SLC41A3: variants seen among roughly 807,000 people sequenced by gnomAD.
SLC41A3 encodes solute carrier family 41 member 3.
Under a neutral mutation model 45.4 loss-of-function variants are expected in SLC41A3, and 44 were observed. The ratio of observed to expected loss-of-function variants is 0.97; its 90% CI spans 0.76 to 1.25. The LOEUF (loss-of-function observed/expected upper bound fraction) is 1.25, where lower values mean the gene tolerates loss of function less well. SLC41A3 is among the 50% of genes most tolerant of loss of function. The pLI is 0.00. For synonymous variants in SLC41A3, 256 were observed against 252.4 expected (o/e 1.01, Z -0.13); for missense variants, 550 against 600.6 (o/e 0.92, Z 0.88).
intron 1 of SLC41A3, among the ~76,000 whole-genome samples, chr3:126,072,067 G>A (rs1227719687): frequency 6.6e-6 from 1 of 152,072 alleles, no homozygotes; most frequent in Non-Finnish European, 1.5e-5. Context: ...GAGCCACCAT[G>A]CCCCAGCCCA....
At chr3:126,035,827 C>T (rs1241087206) in intron 3 of SLC41A3, among the ~76,000 whole-genome samples, 1 of 151,846 alleles carries the variant, frequency 6.6e-6, no homozygotes, top group East Asian at 1.9e-4. Flanking sequence ...GAGTGTTTGT[C>T]GCCACCCACG....
chr3:126,044,966 G>T (rs1278012323), intron 3 of SLC41A3, among the ~76,000 whole-genome samples: 1 of 125,288 alleles, frequency 8.0e-6, no homozygotes, highest in Non-Finnish European at 1.7e-5. Flanking sequence ...AGTAAAACTA[G>T]AAATCAATAG....
chr3:126,090,594 A>T (rs1009615188), intron 1 of SLC41A3, among the ~76,000 whole-genome samples: 4 of 152,188 alleles, frequency 2.6e-5, no homozygotes, highest in African/African-American at 4.8e-5. Flanking sequence ...TCTGACACAC[A>T]AATTACTCTT....
intron 8 of SLC41A3, among the ~76,000 whole-genome samples, chr3:126,015,044 TAAG>T (rs1236812091): frequency 3.3e-5 from 5 of 152,190 alleles, no homozygotes; most frequent in African/African-American, 1.2e-4. Context: ...TCTTAATTTT[TAAG>T]AAGAAGAAAT....
chr3:126,020,685 A>G (rs1940768207), intron 6 of SLC41A3, among the ~76,000 whole-genome samples: 1 of 152,128 alleles, frequency 6.6e-6, no homozygotes, highest in South Asian at 2.1e-4. Context: ...TCCAGCATTA[A>G]TATCAATGCA....
chr3:126,036,463 A>C (rs1942198157), intron 3 of SLC41A3, among the ~76,000 whole-genome samples: 1 of 152,138 alleles, frequency 6.6e-6, no homozygotes, highest in Non-Finnish European at 1.5e-5. Flanking sequence ...CCAAACCCAC[A>C]GCTCTGGTGG....
At chr3:126,060,140 C>T (rs903640769) in intron 2 of SLC41A3, among the ~76,000 whole-genome samples, 10 of 152,118 alleles carry the variant, frequency 6.6e-5, no homozygotes, top group Non-Finnish European at 1.2e-4. Context: ...AGTGAGAGAC[C>T]GGGTGCGGTG....
At position 126,095,519 on chromosome 3, in the gene SLC41A3, A is replaced by G. The variant is rs143726765; in HGVS notation, c.-79+5910T>C. ...TCAACAAGGGCTGACACAGAGAACA[A>G]TTATACTTATTGGGCATATTTATCA... On this transcript the variant is annotated intron_variant, in intron 1 of 9. Transcript: ENST00000508835. 4.1e-3 allele frequency among the ~76,000 whole-genome samples: 622 copies of G among 152,368 alleles called. 4 individuals are homozygous for G. The highest frequency in any genetic ancestry group is 0.014 in the African/African-American group (601 of 41,578).
intron 2 of SLC41A3, chr3:126,056,563 T>C (rs1188755002): frequency 1.9e-6 from 3 of 1,611,794 alleles, no homozygotes; most frequent in South Asian, 1.1e-5. Context: ...GGCCAGGCAA[T>C]GCACCACGAT....
chr3:126,028,651 T>C (rs562116379), intron 4 of SLC41A3, among the ~76,000 whole-genome samples: 1 of 152,080 alleles, frequency 6.6e-6, no homozygotes, highest in South Asian at 2.1e-4. Context: ...GAGAAGAGGG[T>C]CCCCATCCTC....
rs57581225 is a variant in SLC41A3 at position 126,044,895 on chromosome 3, C to CAAAAAAAAAA, written c.381+6038_381+6047dup. ...TGGGCGACAGAGCGAGACTCCATCT[C>CAAAAAAAAAA]AAAAAAAAAAAAAAAAAAAAAAAAA... is the stretch of plus-strand genomic sequence containing the variant. On this transcript the variant is annotated intron_variant, in intron 3 of 10. Coordinates refer to ENST00000360370, the MANE Select transcript of SLC41A3 (RefSeq NM_017836.4). 4.8e-3 allele frequency among the ~76,000 whole-genome samples: 396 copies of CAAAAAAAAAA among 82,710 alleles called. 78 individuals are homozygous for CAAAAAAAAAA. The highest frequency in any genetic ancestry group is 0.016 in the Middle Eastern group (2 of 124). 54.3% of individuals were successfully genotyped at this position (82,710 alleles called of 152,430 possible). A position where few individuals can be genotyped will look rare whatever the true frequency, so the allele number is the denominator to read the frequency against.
At position 126,012,711 on chromosome 3, in the gene SLC41A3, T is replaced by C. The variant is rs1559805898; in HGVS notation, c.1009A>G (p.Ile337Val). Reference sequence around the variant, plus strand: ...CTCCACATGTGCAGGTAGGTTGAGATTCGGCTGGTCTGAATGGCCACCAGA... The same window carrying C: ...CTCCACATGTGCAGGTAGGTTGAGACTCGGCTGGTCTGAATGGCCACCAGA... The part of the protein sequence containing the change: ...GNLVAIQTSR[I>V]STYLHMWSAP... Residue 337 changes from isoleucine (I) to valine (V), a missense_variant, in exon 9 of 11, where the codon ATC (isoleucine) becomes GTC (valine). Coordinates refer to ENST00000360370, the MANE Select transcript of SLC41A3 (RefSeq NM_017836.4). The C allele has an allele frequency of 6.2e-7, 1 of 1,614,238 alleles. No homozygotes were observed. The highest frequency in any genetic ancestry group is 1.7e-4 in the Middle Eastern group (1 of 6,060).
intron 6 of SLC41A3, among the ~76,000 whole-genome samples, chr3:126,020,502 C>T (rs1940748299): frequency 6.6e-6 from 1 of 152,222 alleles, no homozygotes; most frequent in African/African-American, 2.4e-5. Context: ...AATTTTCCCG[C>T]CGTTTCCATT....
intron 2 of SLC41A3, among the ~76,000 whole-genome samples, chr3:126,054,379 T>C (rs887948857): frequency 6.6e-6 from 1 of 152,076 alleles, no homozygotes; most frequent in African/African-American, 2.4e-5. Flanking sequence ...GCTGCACAGT[T>C]GTGTGCTCTC....
chr3:126,033,969 C>T (rs1268119590), intron 3 of SLC41A3, among the ~76,000 whole-genome samples: 1 of 151,940 alleles, frequency 6.6e-6, no homozygotes, highest in Non-Finnish European at 1.5e-5. Context: ...CAGCGGTACA[C>T]ACACAGGCAC....
At chr3:126,054,709 C>T (rs1274941473) in intron 2 of SLC41A3, among the ~76,000 whole-genome samples, 1 of 151,974 alleles carries the variant, frequency 6.6e-6, no homozygotes, top group Non-Finnish European at 1.5e-5. Context: ...GATCCCCTGG[C>T]CCCTAGGAAG....
intron 6 of SLC41A3, among the ~76,000 whole-genome samples, chr3:126,018,062 A>AT (rs1294705011): frequency 2.0e-5 from 3 of 152,150 alleles, no homozygotes; most frequent in East Asian, 1.9e-4. Context: ...CCAATATGCA[A>AT]TGCCAATTCC....
At chr3:126,089,950 G>T (rs1221916508) in intron 1 of SLC41A3, among the ~76,000 whole-genome samples, 1 of 151,700 alleles carries the variant, frequency 6.6e-6, no homozygotes, top group Non-Finnish European at 1.5e-5. Flanking sequence ...GAGCTGCTTG[G>T]CTTGTGAATG....
At chr3:126,069,342 T>C (rs1387137192) in intron 1 of SLC41A3, among the ~76,000 whole-genome samples, 2 of 152,078 alleles carry the variant, frequency 1.3e-5, no homozygotes, top group African/African-American at 4.8e-5. Flanking sequence ...GCACACTCAT[T>C]CCCTGCATGG....
Sources: allele counts gnomAD v4.1 joint callset (sites outside exome capture counted in the v4.1 genomes callset), GRCh38; gene constraint gnomAD v4.1.1; transcripts MANE v1.5; gene names NCBI Gene and HGNC (gene_info 2026-07-23, HGNC 2026-07-21).